The following FAM193A variants were observed in gnomAD, a reference collection of about 807,000 sequenced individuals.
FAM193A encodes protein FAM193A.
FAM193A carries 22 observed loss-of-function variants against 126.5 expected under a neutral mutation model. The observed-to-expected ratio is 0.17, with a 90% CI of 0.12 to 0.25. The LOEUF is 0.25. FAM193A is among the 10% of genes least tolerant of loss of function. The probability of loss-of-function intolerance (pLI) is 1.00; values close to 1 mark genes in which losing one functional copy is unlikely to be tolerated. For missense variants in FAM193A, 1,675 were observed against 1,672.8 expected (o/e 1.00, Z -0.02); for synonymous variants, 761 against 646.8 (o/e 1.18, Z -2.68).
At chr4:2,631,551 T>A (rs962705149) in intron 5 of FAM193A, among the ~76,000 whole-genome samples, 5 of 152,184 alleles carry the variant, frequency 3.3e-5, no homozygotes, top group Non-Finnish European at 7.4e-5. Context: ...ACAGAGCTGG[T>A]ATTAGGTGAA....
At chr4:2,596,442 C>T in intron 2 of FAM193A, 113 bp downstream of exon 2, 4 of 632,362 alleles carry the variant, frequency 6.3e-6, no homozygotes, top group Non-Finnish European at 1.1e-5. Context: ...GCACTCCCTC[C>T]TGCACCACCT....
At chr4:2,629,431 A>G (rs1007197499) in intron 4 of FAM193A, among the ~76,000 whole-genome samples, 3 of 151,702 alleles carry the variant, frequency 2.0e-5, no homozygotes, top group African/African-American at 7.3e-5. Flanking sequence ...TGTCTGAAAT[A>G]TACTAACCAT....
At chr4:2,675,690 G>A (rs190378499) in intron 13 of FAM193A, among the ~76,000 whole-genome samples, 1 of 152,272 alleles carries the variant, frequency 6.6e-6, no homozygotes, top group Admixed American at 6.5e-5. Context: ...TTTAAGTGTA[G>A]AATTCAGTGG....
At chr4:2,688,091 C>T (rs1344539268) in intron 13 of FAM193A, among the ~76,000 whole-genome samples, 4 of 152,196 alleles carry the variant, frequency 2.6e-5, no homozygotes, top group African/African-American at 9.7e-5. Flanking sequence ...TAACTGGGCA[C>T]TTCTCCTCTC....
intron 12 of FAM193A, among the ~76,000 whole-genome samples, chr4:2,670,711 C>T (rs554338060): frequency 4.5e-4 from 68 of 152,290 alleles, no homozygotes; most frequent in Non-Finnish European, 7.8e-4. Context: ...CTTCCCACCT[C>T]TGCCTCCCAA....
chr4:2,560,556 CT>C (rs1456811886), intron 1 of FAM193A, among the ~76,000 whole-genome samples: 12 of 152,226 alleles, frequency 7.9e-5, no homozygotes, highest in African/African-American at 1.7e-4. Context: ...CGTCTTTTGT[CT>C]TTTGATTTGG....
At position 2,732,182 on chromosome 4, in the gene FAM193A, G is replaced by A. The variant is rs1721475969; in HGVS notation, c.*314G>A. 4 of 395,898 alleles carry A rather than the reference G, an allele frequency of 1.0e-5. No individual in the cohort carries two copies. Among genetic ancestry groups the A allele is most frequent in the South Asian group, 7.3e-5 (3 of 41,214 alleles). The allele number at this position is 395,898 out of a possible 1,614,324, so 24.5% of individuals were successfully genotyped here. ...CCAGATAGGAGTTTGCATCATCCAC[G>A]TGGCTCCGTTGCCTCTGCATTGCGC... On this transcript the variant is annotated 3_prime_UTR_variant, in exon 21 of 21. Transcript: ENST00000637812.
At chr4:2,633,402 CACAAA>C (rs1743795377) in intron 5 of FAM193A, among the ~76,000 whole-genome samples, 1 of 150,924 alleles carries the variant, frequency 6.6e-6, no homozygotes, top group Non-Finnish European at 1.5e-5. Context: ...CTGTCTCACA[CACAAA>C]ACAAAACAAA....
At chr4:2,629,740 T>C (rs1444469382) in intron 4 of FAM193A, among the ~76,000 whole-genome samples, 1 of 152,246 alleles carries the variant, frequency 6.6e-6, no homozygotes, top group East Asian at 1.9e-4. Context: ...ATTTTTATTA[T>C]TACATCAGTG....
At chr4:2,545,514 T>C (rs1195166565) in intron 1 of FAM193A, among the ~76,000 whole-genome samples, 1 of 152,136 alleles carries the variant, frequency 6.6e-6, no homozygotes, top group African/African-American at 2.4e-5. Context: ...GTCTATTCCT[T>C]TCTGTACATG....
In FAM193A at chr4:2,672,287, A is replaced by C; in HGVS notation, c.2246A>C (p.His749Pro). 1 of 1,614,138 alleles carries C rather than the reference A, an allele frequency of 6.2e-7. No homozygotes were observed. Among genetic ancestry groups the C allele is most frequent in the Non-Finnish European group, 8.5e-7 (1 of 1,180,024 alleles). Reference protein sequence around the residue: ...ALHLYPHIHGHVPLHTVPHLP... With the variant: ...ALHLYPHIHGPVPLHTVPHLP... ...CACCTTTACCCTCACATCCATGGACATGTGCCTTTGCACACTGTTCCACAC... is the reference window on the plus strand; with the variant it reads ...CACCTTTACCCTCACATCCATGGACCTGTGCCTTTGCACACTGTTCCACAC... Residue 749 changes from histidine to proline, a missense_variant, in exon 13 of 21, where the codon CAT becomes CCT. Physicochemically the swap from His to Pro is moderately conservative, Grantham distance 77 (BLOSUM62 -2). This residue lies in a region of FAM193A where 1,186 missense variants were observed against 1,109.2 expected (regional missense o/e 1.07). Transcript: ENST00000637812.
At position 2,637,667 on chromosome 4, in the gene FAM193A, G is replaced by A. The variant is rs1321975570; in HGVS notation, c.1039-2068G>A. Among the ~76,000 whole-genome samples the A allele has an allele frequency of 5.3e-5, 8 of 152,214 alleles. No individual in the cohort carries two copies. The East Asian group carries it at 1.2e-3, about 22-fold the overall frequency. On this transcript the variant is annotated intron_variant, in intron 5 of 20. Transcript: ENST00000637812. ...AGTTCTTCCATAGGCCTCACCTCTCGTAGGAGCTGTGAGGACACATCCTGC... is the reference window on the plus strand; with the variant it reads ...AGTTCTTCCATAGGCCTCACCTCTCATAGGAGCTGTGAGGACACATCCTGC...
chr4:2,664,323 C>T (rs903089154), intron 12 of FAM193A, among the ~76,000 whole-genome samples: 5 of 152,036 alleles, frequency 3.3e-5, no homozygotes, highest in East Asian at 3.9e-4. Context: ...TGTTTCAGTA[C>T]GGTTTGTCAG....
intron 2 of FAM193A, among the ~76,000 whole-genome samples, chr4:2,622,171 T>C (rs76836944): frequency 0.067 from 10,000 of 149,526 alleles, 572 homozygotes; most frequent in African/African-American, 0.15. Context: ...GTGAGACGAT[T>C]GCTTGAGCCT....
chr4:2,571,348 G>A (rs1392763159), intron 1 of FAM193A, among the ~76,000 whole-genome samples: 1 of 152,180 alleles, frequency 6.6e-6, no homozygotes, highest in Non-Finnish European at 1.5e-5. Context: ...GGCAGATGTG[G>A]CACCACCTTG....
intron 1 of FAM193A, among the ~76,000 whole-genome samples, chr4:2,569,303 C>T (rs79422311): frequency 0.028 from 4,317 of 151,916 alleles, 222 homozygotes; most frequent in African/African-American, 0.098. Context: ...CGGAAACCCA[C>T]GTGAGGGGTT....
chr4:2,597,552 C>T (rs755668842), intron 2 of FAM193A, among the ~76,000 whole-genome samples: 12 of 152,204 alleles, frequency 7.9e-5, no homozygotes, highest in East Asian at 1.9e-4. Flanking sequence ...GTCTTGCCTG[C>T]GTTGGAGGAG....
chr4:2,582,925 G>A (rs140617771), intron 1 of FAM193A, among the ~76,000 whole-genome samples: 3 of 152,174 alleles, frequency 2.0e-5, no homozygotes, highest in Admixed American at 6.6e-5. Context: ...AGTGTGTAGC[G>A]GTAGTGAGAT....
chr4:2,552,212 C>T (rs1257939331), intron 1 of FAM193A, among the ~76,000 whole-genome samples: 2 of 151,840 alleles, frequency 1.3e-5, no homozygotes, highest in African/African-American at 2.4e-5. Context: ...GGGGTTTCAT[C>T]GTGTTAGCTA....
Sources: gnomAD v4.1 joint callset for allele counts (sites outside exome capture counted in the v4.1 genomes callset) on GRCh38, gnomAD v4.1.1 for gene constraint, gnomAD v4.1.1 regional missense constraint, MANE v1.5 for transcripts, NCBI Gene and HGNC (gene_info 2026-07-23, HGNC 2026-07-21) for gene names.